Variants in ERCC2 observed in about 807,000 individuals in gnomAD.
ERCC2 encodes the protein ERCC excision repair 2, TFIIH core complex helicase subunit.
A neutral mutation model predicts 99.4 loss-of-function variants in ERCC2; 90 were observed. That is an observed-to-expected ratio of 0.91 (90% CI 0.76 to 1.08). The LOEUF is 1.08. ERCC2 is among the 50% of genes least tolerant of loss of function. ERCC2 has a pLI of 0.00. For synonymous variants in ERCC2, 497 were observed against 432.4 expected, an observed-to-expected ratio of 1.15 and a Z score of -1.85; for missense variants, 993 against 1,038.1, an observed-to-expected ratio of 0.96 and a Z score of 0.60.
At chr19:45,363,314 G>A (rs779168100) in intron 11 of ERCC2, among the ~76,000 whole-genome samples, 18 of 152,056 alleles carry the variant, frequency 1.2e-4, no homozygotes, top group Non-Finnish European at 1.8e-4. Flanking sequence ...CCCAGCCTGC[G>A]AGGCCCTGGT....
chr19:45,350,078 T>C lies in ERCC2; in HGVS notation c.*1551A>G, dbSNP rs1252965074. 4 of 501,038 alleles carry C rather than the reference T, an allele frequency of 8.0e-6. No homozygotes were observed. Among genetic ancestry groups the C allele is most frequent in the African/African-American group, 7.7e-5 (4 of 51,958 alleles). The allele number at this position is 501,038 out of a possible 1,614,324, so 31.0% of individuals were successfully genotyped here. ...GTAAGGCCGAGCTCCAAACCCACTC[T>C]GCCCCAGGGCAAGGCTTTAGGCAGG... On this transcript the variant is annotated 3_prime_UTR_variant, in exon 23 of 23. Coordinates refer to ENST00000391945, the MANE Select transcript of ERCC2 (RefSeq NM_000400.4).
chr19:45,361,467 G>GGGAC, intron 12 of ERCC2, 57 bp downstream of exon 12: 1 of 1,272,826 alleles, frequency 7.9e-7, no homozygotes, highest in African/African-American at 1.5e-5. Context: ...AGACCCTGCT[G>GGGAC]GGACCCTGAT....
Position 45,357,517 on chromosome 19 carries a change from T to A in ERCC2, c.1334A>T (p.Lys445Ile). ...AGACTGGAAACGCTCAAATACGGGT[T>A]TGATGGCCAGCGAGGCGTCCATGCA... ...FSCMDASLAI[K>I]PVFERFQSVI... Residue 445 changes from lysine to isoleucine, a missense_variant, in exon 14 of 23, where the codon AAA becomes ATA. Transcript: ENST00000391945. 6.2e-7 allele frequency: 1 copy of A among 1,614,194 alleles called. No individual in the cohort carries two copies. The highest frequency in any genetic ancestry group is 8.5e-7 in the Non-Finnish European group (1 of 1,180,020).
In ERCC2 at chr19:45,357,386, T is replaced by C. The variant is rs757224962; in HGVS notation, c.1378-15A>G. 1.2e-6 allele frequency: 2 copies of C among 1,611,070 alleles called. No homozygotes were observed. Among genetic ancestry groups the C allele is most frequent in the African/African-American group, 2.7e-5 (2 of 74,832 alleles). Reference sequence around the variant, plus strand: ...GGGGACAGTGTCTGTGGCGGGACAGTGGGAGGGATCTCAGCAGGACTGGGC... The same window carrying C: ...GGGGACAGTGTCTGTGGCGGGACAGCGGGAGGGATCTCAGCAGGACTGGGC... On this transcript the variant is annotated splice_polypyrimidine_tract_variant and intron_variant, in intron 14 of 22. Coordinates refer to ENST00000391945, the MANE Select transcript of ERCC2 (RefSeq NM_000400.4).
chr19:45,352,038 C>T (rs977462010), intron 22 of ERCC2, among the ~76,000 whole-genome samples, 171 bp downstream of exon 22: 18 of 152,108 alleles, frequency 1.2e-4, no homozygotes, highest in African/African-American at 2.9e-4. Flanking sequence ...TGTGGCCCCT[C>T]GAATCTCCCC....
rs770166878 is a variant in ERCC2, at chr19:45,369,045, T to C, written c.183+25A>G. ...TGTCCCGCCCCTTCCTTTGTCTGCC[T>C]TTACGGGTTCAGCGCATCACTCACT... On this transcript the variant is annotated intron_variant, in intron 3 of 22. Transcript: ENST00000391945. 1.8e-4 allele frequency: 284 copies of C among 1,613,942 alleles called. 1 individual carries two copies. The highest frequency in any genetic ancestry group is 2.3e-4 in the Non-Finnish European group (269 of 1,179,912).
At chr19:45,368,213 A>G (rs1265239763) in intron 5 of ERCC2, among the ~76,000 whole-genome samples, 1 of 152,146 alleles carries the variant, frequency 6.6e-6, no homozygotes, top group Non-Finnish European at 1.5e-5. Context: ...CTCTTTGTAC[A>G]TGCTAAGGGC....
rs373157686 is a variant in ERCC2 at position 45,350,423 on chromosome 19, C to A, written c.*1206G>T. The A allele has an allele frequency of 1.9e-6, 3 of 1,613,900 alleles. No homozygotes were observed. Among genetic ancestry groups the A allele is most frequent in the South Asian group, 1.1e-5 (1 of 91,044 alleles). On this transcript the variant is annotated 3_prime_UTR_variant, in exon 23 of 23. Coordinates refer to ENST00000391945, the MANE Select transcript of ERCC2 (RefSeq NM_000400.4). ...ATCCTCCACAAGGAGGACCTACCCG[C>A]CCCTCTCGGTGAGCCCCTAGCCCCT...
intron 12 of ERCC2, among the ~76,000 whole-genome samples, chr19:45,360,120 G>A (rs1358878191): frequency 3.1e-4 from 45 of 144,266 alleles, no homozygotes; most frequent in African/African-American, 1.1e-3. Flanking sequence ...TCGCTCTGTC[G>A]CCCAGGCTGG....
At chr19:45,367,384 C>G (rs867327179) in intron 5 of ERCC2, among the ~76,000 whole-genome samples, 210 of 150,814 alleles carry the variant, frequency 1.4e-3, no homozygotes, top group African/African-American at 4.8e-3. Flanking sequence ...CACACACACA[C>G]ACACACACAC....
intron 15 of ERCC2, among the ~76,000 whole-genome samples, 174 bp from the exon 16 acceptor site, chr19:45,355,902 G>A (rs917786978): frequency 1.1e-4 from 16 of 148,612 alleles, no homozygotes; most frequent in Admixed American, 4.8e-4. Context: ...TGACCATCCC[G>A]CCTTGGCCTC....
chr19:45,368,910 C>T lies in ERCC2; in HGVS notation c.246+20G>A. On this transcript the variant is annotated intron_variant, in intron 4 of 22. Transcript: ENST00000391945. ...CTAGGGAACAGTGGGGCTGGAGCAC[C>T]AGGATGAGTCCCAGCTTACCTTCTC... 6.2e-7 allele frequency: 1 copy of T among 1,613,142 alleles called. No homozygotes were observed. The highest frequency in any genetic ancestry group is 8.5e-7 in the Non-Finnish European group (1 of 1,179,048).
In ERCC2 at chr19:45,364,418, C is replaced by A. The variant is rs3916812; in HGVS notation, c.718+6G>T. 9,720 of 1,613,908 alleles carry A rather than the reference C, an allele frequency of 6.0e-3. 480 individuals carry two copies. The African/African-American group carries it at 0.11, about 18-fold the overall frequency. ...GCATCCCTTTGGCCCCTGGCGCCCC[C>A]CTCACCAATGTTGTGGGCCTCGTCG... On this transcript the variant is annotated splice_donor_region_variant and intron_variant, in intron 8 of 22. Coordinates refer to ENST00000391945, the MANE Select transcript of ERCC2 (RefSeq NM_000400.4).
intron 12 of ERCC2, chr19:45,359,018 G>C: frequency 3.2e-6 from 2 of 634,144 alleles, no homozygotes; most frequent in Non-Finnish European, 5.7e-6. Context: ...GACCAAGCCA[G>C]CCTTGCCCCT....
chr19:45,350,471 TTCTCTATGTCCCCA>T lies in ERCC2; in HGVS notation c.*1144_*1157del. Reference sequence around the variant, plus strand: ...CCTGTCTGTCTTCCCTCCTGGTGGCTTCTCTATGTCCCCATCTCAGTGTCCCCCATCTTTCCCCC... The same window carrying T: ...CCTGTCTGTCTTCCCTCCTGGTGGCTTCTCAGTGTCCCCCATCTTTCCCCC... On this transcript the variant is annotated 3_prime_UTR_variant, in exon 23 of 23. Coordinates refer to ENST00000391945, the MANE Select transcript of ERCC2 (RefSeq NM_000400.4). 1 of 1,613,006 alleles carries T rather than the reference TTCTCTATGTCCCCA, an allele frequency of 6.2e-7. No individual in the cohort carries two copies.
intron 12 of ERCC2, chr19:45,359,088 G>C (rs1972118248): frequency 8.3e-6 from 5 of 599,388 alleles, no homozygotes; most frequent in African/African-American, 3.7e-5. Flanking sequence ...TGATGACTGA[G>C]AGTGGGCAGT....
At chr19:45,369,404 C>T (rs1024106790) in intron 2 of ERCC2, among the ~76,000 whole-genome samples, 1 of 152,024 alleles carries the variant, frequency 6.6e-6, no homozygotes, top group Non-Finnish European at 1.5e-5. Flanking sequence ...TGGTGGCTCA[C>T]ACCTGTAATC....
chr19:45,353,174 G>T lies in ERCC2; in HGVS notation c.1759-19C>A. The T allele has an allele frequency of 6.2e-7, 1 of 1,613,864 alleles. No individual in the cohort carries two copies. Among genetic ancestry groups the T allele is most frequent in the South Asian group, 1.1e-5 (1 of 91,074 alleles). Reference sequence around the variant, plus strand: ...CGCAGGCCTGAGGTGGGGAGACCGAGACGCAAGTTAGGTCACTCCTCAGAG... The same window carrying T: ...CGCAGGCCTGAGGTGGGGAGACCGATACGCAAGTTAGGTCACTCCTCAGAG... On this transcript the variant is annotated intron_variant, in intron 18 of 22. Transcript: ENST00000391945.
In ERCC2 at chr19:45,368,869, G is replaced by A. The variant is rs1039446622; in HGVS notation, c.246+61C>T. 4.9e-5 allele frequency: 78 copies of A among 1,593,744 alleles called. No homozygotes were observed. The Admixed American group carries it at 1.1e-3, about 23-fold the overall frequency. ...CGAAAGCTGGTGACGGCCACCGCCAGGGGGACCAATAGGGCCTAGGGAACA... is the reference window on the plus strand; with the variant it reads ...CGAAAGCTGGTGACGGCCACCGCCAAGGGGACCAATAGGGCCTAGGGAACA... On this transcript the variant is annotated intron_variant, in intron 4 of 22. Transcript: ENST00000391945.
Sources: gnomAD v4.1 joint callset for allele counts (sites outside exome capture counted in the v4.1 genomes callset) on GRCh38, gnomAD v4.1.1 for gene constraint, MANE v1.5 for transcripts, NCBI Gene and HGNC (gene_info 2026-07-23, HGNC 2026-07-21) for gene names.